Variants in PTK2 observed in about 807,000 individuals in gnomAD.
The protein encoded by PTK2 is protein tyrosine kinase 2, also known as focal adhesion kinase 1.
Under a neutral mutation model 150.1 loss-of-function variants are expected in PTK2, and 45 were observed. That is an observed-to-expected ratio of 0.30 (90% confidence interval 0.24 to 0.38). The LOEUF (loss-of-function observed/expected upper bound fraction) is 0.38. Ranked by LOEUF, PTK2 falls within the 10% of genes least tolerant of loss-of-function variation. The pLI, the probability that PTK2 is intolerant of heterozygous loss-of-function variation, is 1.00. For missense variants in PTK2, 919 were observed against 1,307.3 expected, an observed-to-expected ratio of 0.70 and a Z score of 4.58; for synonymous variants, 432 against 449.2, an observed-to-expected ratio of 0.96 and a Z score of 0.48.
chr8:140,915,680 TG>T (rs2100164974), intron 2 of PTK2, among the ~76,000 whole-genome samples: 1 of 152,016 alleles, frequency 6.6e-6, no homozygotes, highest in African/African-American at 2.4e-5. Context: ...GCAGATCACC[TG>T]AGGTCAGGAG....
At chr8:140,891,498 C>T (rs1600995263) in intron 2 of PTK2, among the ~76,000 whole-genome samples, 1 of 152,258 alleles carries the variant, frequency 6.6e-6, no homozygotes, top group African/African-American at 2.4e-5. Context: ...GCAACCAAGA[C>T]AATGAGTGAC....
At chr8:140,921,387 C>T (rs1040827652) in intron 2 of PTK2, among the ~76,000 whole-genome samples, 2 of 152,216 alleles carry the variant, frequency 1.3e-5, no homozygotes, top group Non-Finnish European at 2.9e-5. Flanking sequence ...AGCTGCAAAT[C>T]AAGTCTGACC....
chr8:140,932,431 G>A (rs143680156), intron 1 of PTK2, among the ~76,000 whole-genome samples: 3 of 152,074 alleles, frequency 2.0e-5, no homozygotes. Flanking sequence ...GGCCAGGCCA[G>A]TCTCGAACTC....
At chr8:140,675,531 T>G in intron 27 of PTK2, 32 bp from the exon 31 acceptor site, 2 of 1,533,252 alleles carry the variant, frequency 1.3e-6, no homozygotes, top group Non-Finnish European at 1.8e-6. Context: ...GTCAATGCAC[T>G]GGTATATACA....
At chr8:140,723,866 A>AT (rs1381078252) in intron 22 of PTK2, among the ~76,000 whole-genome samples, 1 of 152,160 alleles carries the variant, frequency 6.6e-6, no homozygotes, top group Non-Finnish European at 1.5e-5. Context: ...TGTTAGTTTT[A>AT]TTTTTTACTT....
chr8:140,698,413 T>C (rs903236824), intron 26 of PTK2, among the ~76,000 whole-genome samples: 1 of 152,198 alleles, frequency 6.6e-6, no homozygotes, highest in Non-Finnish European at 1.5e-5. Flanking sequence ...AGATATAATA[T>C]CCAAATTAAT....
chr8:140,996,684 T>C (rs2100197899), intron 1 of PTK2, among the ~76,000 whole-genome samples: 1 of 152,330 alleles, frequency 6.6e-6, no homozygotes, highest in Non-Finnish European at 1.5e-5. Flanking sequence ...AGCATATCTG[T>C]TTACAGCATG....
At chr8:140,892,670 G>GA in intron 2 of PTK2, 1 of 401,514 alleles carries the variant, frequency 2.5e-6, no homozygotes, top group Non-Finnish European at 4.8e-6. Flanking sequence ...ACAGTAAAAG[G>GA]AAAAAAATTA....
intron 21 of PTK2, among the ~76,000 whole-genome samples, chr8:140,737,919 C>A (rs1690557545): frequency 1.3e-5 from 2 of 152,164 alleles, no homozygotes; most frequent in African/African-American, 4.8e-5. Context: ...CTAATCATGT[C>A]ATGCCATATC....
intron 23 of PTK2, among the ~76,000 whole-genome samples, chr8:140,711,004 C>T (rs902898424): frequency 6.6e-6 from 1 of 152,228 alleles, no homozygotes; most frequent in African/African-American, 2.4e-5. Context: ...GTGGCACGAT[C>T]TCGGCTCACT....
intron 1 of PTK2, among the ~76,000 whole-genome samples, chr8:140,928,729 T>C (rs1010774095): frequency 6.6e-6 from 1 of 152,092 alleles, no homozygotes; most frequent in South Asian, 2.1e-4. Context: ...ACATATCGAA[T>C]GTAGTCAAAT....
chr8:140,855,492 G>A (rs149537334), intron 5 of PTK2, among the ~76,000 whole-genome samples: 33 of 152,214 alleles, frequency 2.2e-4, no homozygotes, highest in Middle Eastern at 3.4e-3. Flanking sequence ...CTACTCAGGA[G>A]GCTGAGGCAG....
chr8:140,726,558 C>T (rs2100045943), intron 22 of PTK2, among the ~76,000 whole-genome samples: 2 of 151,946 alleles, frequency 1.3e-5, no homozygotes, highest in Non-Finnish European at 2.9e-5. Flanking sequence ...TGGCCAGTGA[C>T]TTCTCATTAA....
At chr8:140,746,918 G>C in intron 17 of PTK2, 58 bp from the exon 21 acceptor site, 2 of 1,123,640 alleles carry the variant, frequency 1.8e-6, no homozygotes, top group Non-Finnish European at 2.5e-6. Context: ...TTTAGACGGA[G>C]TCTCATTCTG....
intron 1 of PTK2, among the ~76,000 whole-genome samples, chr8:140,990,490 C>T (rs887781517): frequency 2.5e-4 from 38 of 152,170 alleles, no homozygotes; most frequent in Non-Finnish European, 4.4e-4. Context: ...GATCCTCCCA[C>T]CCTGGCCTCC....
intron 9 of PTK2, 70 bp from the exon 10 acceptor site, chr8:140,818,424 G>T: frequency 7.3e-7 from 1 of 1,373,546 alleles, no homozygotes; most frequent in Non-Finnish European, 1.0e-6. Context: ...ATAAAGAGCC[G>T]TGGATATGTT....
chr8:140,705,419 G>A (rs897568147), intron 24 of PTK2, among the ~76,000 whole-genome samples: 1 of 152,136 alleles, frequency 6.6e-6, no homozygotes, highest in Admixed American at 6.6e-5. Context: ...TTCTAGAACA[G>A]GCAGAAACCT....
intron 7 of PTK2, among the ~76,000 whole-genome samples, chr8:140,833,434 C>T (rs913478832): frequency 6.6e-6 from 1 of 152,166 alleles, no homozygotes; most frequent in Non-Finnish European, 1.5e-5. Context: ...TCTGAGCCCA[C>T]CTAAGGTACT....
chr8:140,796,877 C>T (rs2100091936), intron 12 of PTK2, among the ~76,000 whole-genome samples: 1 of 152,208 alleles, frequency 6.6e-6, no homozygotes, highest in East Asian at 1.9e-4. Flanking sequence ...GAGATACACA[C>T]ACACACACAC....
Sources: gnomAD v4.1 joint callset for allele counts (sites outside exome capture counted in the v4.1 genomes callset) on GRCh38, gnomAD v4.1.1 for gene constraint, MANE v1.5 for transcripts, NCBI Gene and HGNC (gene_info 2026-07-23, HGNC 2026-07-21) for gene names.